The following KMT5A variants were observed in gnomAD, a reference collection of about 807,000 sequenced individuals.
KMT5A encodes lysine methyltransferase 5A, also known as N-lysine methyltransferase KMT5A.
Under a neutral mutation model 40.6 loss-of-function variants are expected in KMT5A, and 6 were observed. That is an observed-to-expected ratio of 0.15 (90% CI 0.08 to 0.29). KMT5A has a LOEUF of 0.29. Among genes scored for constraint, KMT5A ranks in the 10% least tolerant of loss-of-function variants. The pLI is 1.00. For synonymous variants in KMT5A, 153 were observed against 178.8 expected (o/e 0.86, Z 1.15); for missense variants, 308 against 459.1 (o/e 0.67, Z 3.01).
At chr12:123,407,018 C>CAAAAA (rs56732264) in intron 7 of KMT5A, among the ~76,000 whole-genome samples, 5 of 28,494 alleles carry the variant, frequency 1.8e-4, no homozygotes, top group African/African-American at 1.5e-4. Flanking sequence ...GACTCCCTCT[C>CAAAAA]AAAAAAAAAA....
chr12:123,391,596 C>T (rs1877322135), intron 3 of KMT5A, among the ~76,000 whole-genome samples: 1 of 152,144 alleles, frequency 6.6e-6, no homozygotes, highest in Non-Finnish European at 1.5e-5. Context: ...ATGTTAAACC[C>T]GAAAATACAG....
At chr12:123,394,153 G>A (rs1877518940) in intron 3 of KMT5A, among the ~76,000 whole-genome samples, 1 of 143,128 alleles carries the variant, frequency 7.0e-6, no homozygotes, top group Non-Finnish European at 1.5e-5. Flanking sequence ...GCCCAGGTTG[G>A]AGTGCAATGG....
intron 5 of KMT5A, among the ~76,000 whole-genome samples, chr12:123,401,542 G>T (rs987048910): frequency 3.3e-5 from 5 of 150,766 alleles, no homozygotes; most frequent in Admixed American, 6.6e-5. Flanking sequence ...GTTTTGTTAG[G>T]TATATTACTA....
intron 3 of KMT5A, 68 bp from the exon 4 acceptor site, chr12:123,394,979 C>T: frequency 7.3e-7 from 1 of 1,366,384 alleles, no homozygotes. Context: ...TCTTAGAATG[C>T]AGCTGGTCGT....
chr12:123,405,833 C>G (rs867399296), intron 7 of KMT5A, among the ~76,000 whole-genome samples: 1 of 123,962 alleles, frequency 8.1e-6, no homozygotes, highest in Admixed American at 8.0e-5. Context: ...TTTTTTTTTT[C>G]TTTTGAGACG....
intron 3 of KMT5A, among the ~76,000 whole-genome samples, chr12:123,394,178 A>C (rs1877520833): frequency 1.4e-5 from 2 of 138,146 alleles, no homozygotes; most frequent in African/African-American, 5.5e-5. Context: ...ATCTTAGCTC[A>C]CTGCAACCTC....
chr12:123,391,145 T>A lies in KMT5A; in HGVS notation c.289+359T>A, dbSNP rs1206101161. The A allele has an allele frequency of 1.5e-5, 3 of 202,088 alleles. No individual in the cohort carries two copies. The Admixed American group carries it at 1.6e-4, about 11-fold the overall frequency. 12.5% of individuals were successfully genotyped at this position (202,088 alleles called of 1,614,324 possible). A position where few individuals can be genotyped will look rare whatever the true frequency, so the allele number is the denominator to read the frequency against. On this transcript the variant is annotated intron_variant, in intron 3 of 7. Coordinates refer to ENST00000402868, the MANE Select transcript of KMT5A (RefSeq NM_020382.7). ...GCAATTGCAGACCTAACTAATGTGT[T>A]CATGTAGGGAACTGACTTCCTTCCC...
At chr12:123,391,350 A>G (rs1031690701) in intron 3 of KMT5A, 1 of 153,800 alleles carries the variant, frequency 6.5e-6, no homozygotes, top group Non-Finnish European at 1.4e-5. Context: ...GGCCGCCACC[A>G]CGCCCAGCTA....
chr12:123,405,600 A>G lies in KMT5A; in HGVS notation c.848+526A>G, dbSNP rs560120198. ...AGTGGCACAATCTTGGCTCACTGCA[A>G]CCTCCACCTCCCGGGTTCAAGGTAT... is the stretch of plus-strand genomic sequence containing the variant. On this transcript the variant is annotated intron_variant, in intron 7 of 7. Transcript: ENST00000402868. Among the ~76,000 whole-genome samples, 3 of 132,276 alleles carry G rather than the reference A, an allele frequency of 2.3e-5. No homozygotes were observed. The South Asian group carries it at 7.3e-4, about 32-fold the overall frequency. 86.8% of individuals were successfully genotyped at this position (132,276 alleles called of 152,430 possible).
intron 2 of KMT5A, chr12:123,390,110 C>G (rs370023264): frequency 2.1e-6 from 1 of 468,920 alleles, no homozygotes; most frequent in South Asian, 1.5e-5. Flanking sequence ...GTCCTCCCGT[C>G]GCAGCCCTGG....
At chr12:123,396,686 G>T (rs1877754327) in intron 5 of KMT5A, among the ~76,000 whole-genome samples, 1 of 152,210 alleles carries the variant, frequency 6.6e-6, no homozygotes. Context: ...GTAGCATGTG[G>T]CAGGGAAAGC....
At chr12:123,391,026 G>T in intron 3 of KMT5A, 1 of 485,396 alleles carries the variant, frequency 2.1e-6, no homozygotes, top group Non-Finnish European at 3.7e-6. Context: ...TGATTGTCTT[G>T]CTTAGTTGCA....
At chr12:123,386,112 T>C (rs1158058518) in intron 1 of KMT5A, among the ~76,000 whole-genome samples, 1 of 152,186 alleles carries the variant, frequency 6.6e-6, no homozygotes, top group Non-Finnish European at 1.5e-5. Flanking sequence ...TTATTAGTTA[T>C]TGATTCTCAC....
At chr12:123,393,478 T>C (rs1877459951) in intron 3 of KMT5A, among the ~76,000 whole-genome samples, 1 of 152,216 alleles carries the variant, frequency 6.6e-6, no homozygotes, top group African/African-American at 2.4e-5. Context: ...TGTGTCTGGC[T>C]TCTTTCACTG....
chr12:123,392,765 A>G (rs28501453), intron 3 of KMT5A, among the ~76,000 whole-genome samples: 145,076 of 152,274 alleles, frequency 0.95, 69,245 homozygotes, highest in Non-Finnish European at 0.96. Context: ...AGTGATAGAT[A>G]ATGTTCACGG....
In KMT5A at chr12:123,407,631, G is replaced by A. The variant is rs765103289; in HGVS notation, c.987G>A (p.Gly329=). The part of the protein sequence containing the change: ...ILIASRDIAA[G]EELLYDYGDR... Reference sequence around the variant, plus strand: ...TCGCCTCCCGAGACATCGCGGCTGGGGAGGAGCTCCTGTATGACTATGGGG... The same window carrying A: ...TCGCCTCCCGAGACATCGCGGCTGGAGAGGAGCTCCTGTATGACTATGGGG... Residue 329 remains glycine, a synonymous_variant, in exon 8 of 8, where the codon GGG becomes GGA. Transcript: ENST00000402868. 1.2e-6 allele frequency: 2 copies of A among 1,613,782 alleles called. No individual in the cohort carries two copies. Among genetic ancestry groups the A allele is most frequent in the South Asian group, 1.1e-5 (1 of 91,030 alleles).
intron 1 of KMT5A, 61 bp from the exon 2 acceptor site, chr12:123,389,372 T>TCCCCGCCCCGCC (rs1250376258): frequency 1.0e-6 from 1 of 990,276 alleles, no homozygotes; most frequent in African/African-American, 1.8e-5. Flanking sequence ...GCGGCCCCGC[T>TCCCCGCCCCGCC]CCCCGCCCCG....
intron 7 of KMT5A, among the ~76,000 whole-genome samples, chr12:123,405,803 C>T (rs1199449694): frequency 2.7e-5 from 4 of 150,706 alleles, no homozygotes; most frequent in Admixed American, 1.3e-4. Flanking sequence ...TGAGCCACTG[C>T]GCCTGGCCCC....
At chr12:123,391,318 C>T (rs1179537502) in intron 3 of KMT5A, 1 of 154,546 alleles carries the variant, frequency 6.5e-6, no homozygotes, top group African/African-American at 2.4e-5. Context: ...CTGCAGCCTC[C>T]TGAGTAGCTG....
Sources: allele counts gnomAD v4.1 joint callset (sites outside exome capture counted in the v4.1 genomes callset), GRCh38; gene constraint gnomAD v4.1.1; transcripts MANE v1.5; gene names NCBI Gene and HGNC (gene_info 2026-07-23, HGNC 2026-07-21).